The following FGF12 variants were observed in gnomAD, a reference collection of about 807,000 sequenced individuals.
FGF12 encodes the protein fibroblast growth factor 12.
FGF12 carries 14 observed loss-of-function variants against 23.6 expected under a neutral mutation model. The observed-to-expected ratio is 0.59, with a 90% CI of 0.39 to 0.93. The LOEUF is 0.93. Among genes scored for constraint, FGF12 ranks in the 40% least tolerant of loss-of-function variants. The probability of loss-of-function intolerance (pLI) is 0.00; values close to 1 mark genes in which losing one functional copy is unlikely to be tolerated. For missense variants in FGF12, 175 were observed against 217.8 expected (o/e 0.80, Z 1.24); for synonymous variants, 62 against 77.3 (o/e 0.80, Z 1.04).
chr3:192,677,756 G>C (rs1250755472), intron 2 of FGF12, among the ~76,000 whole-genome samples: 4 of 152,224 alleles, frequency 2.6e-5, no homozygotes, highest in Middle Eastern at 6.8e-3. Context: ...ACAGATCCTG[G>C]CCTGTCTTCC....
At chr3:192,432,639 A>AAAAAAAAAAAAAG (rs1553812376) in intron 2 of FGF12, among the ~76,000 whole-genome samples, 7 of 137,090 alleles carry the variant, frequency 5.1e-5, no homozygotes, top group African/African-American at 1.7e-4. Context: ...AAAAAAAAAA[A>AAAAAAAAAAAAAG]AAAGAAAGAA....
rs1174662392 is a variant in FGF12 at position 192,624,654 on chromosome 3, G to C, written c.13+102527C>G. Among the ~76,000 whole-genome samples the C allele has an allele frequency of 2.0e-5, 3 of 152,102 alleles. No individual in the cohort carries two copies. The East Asian group carries it at 5.8e-4, about 29-fold the overall frequency. ...ATTATATAGCATCTTCCTTGTTAAAGGACTATATTAGGAAAAAATTAGCTT... is the reference window on the plus strand; with the variant it reads ...ATTATATAGCATCTTCCTTGTTAAACGACTATATTAGGAAAAAATTAGCTT... On this transcript the variant is annotated intron_variant, in intron 2 of 5. Coordinates refer to ENST00000445105, the MANE Select transcript of FGF12 (RefSeq NM_004113.6).
intron 2 of FGF12, among the ~76,000 whole-genome samples, chr3:192,606,209 T>C (rs1161058071): frequency 6.6e-6 from 1 of 152,172 alleles, no homozygotes; most frequent in African/African-American, 2.4e-5. Flanking sequence ...AACAAAATCA[T>C]GTCCTTTGCA....
chr3:192,558,337 T>C (rs1019625227), intron 2 of FGF12, among the ~76,000 whole-genome samples: 1 of 151,670 alleles, frequency 6.6e-6, no homozygotes, highest in Admixed American at 6.6e-5. Context: ...TACAATAGCA[T>C]CAAAAATAAT....
At chr3:192,495,535 T>G (rs1183625004) in intron 2 of FGF12, among the ~76,000 whole-genome samples, 2 of 152,202 alleles carry the variant, frequency 1.3e-5, no homozygotes, top group Non-Finnish European at 2.9e-5. Flanking sequence ...TTTACAGAAC[T>G]CCAGGATGCT....
chr3:192,305,861 T>G (rs901864536), intron 4 of FGF12, among the ~76,000 whole-genome samples: 2 of 128,568 alleles, frequency 1.6e-5, no homozygotes, highest in Admixed American at 7.6e-5. Flanking sequence ...CTGGTTTTTT[T>G]TTTTTTTTTT....
intron 2 of FGF12, among the ~76,000 whole-genome samples, chr3:192,482,063 T>C (rs1723495552): frequency 6.6e-6 from 1 of 152,182 alleles, no homozygotes; most frequent in Non-Finnish European, 1.5e-5. Flanking sequence ...ACTATGTCAT[T>C]ATCACAAGCC....
At chr3:192,518,254 C>G (rs1246159226) in intron 2 of FGF12, among the ~76,000 whole-genome samples, 2 of 152,070 alleles carry the variant, frequency 1.3e-5, no homozygotes, top group African/African-American at 4.8e-5. Context: ...AAGTGACTCA[C>G]CAGTGTGGCT....
In FGF12 at chr3:192,274,593, A is replaced by AAGAG. The variant is rs137930372; in HGVS notation, c.228+60764_228+60767dup. Among the ~76,000 whole-genome samples the AAGAG allele has an allele frequency of 9.9e-5, 15 of 151,402 alleles. No individual in the cohort carries two copies. In the East Asian group the frequency reaches 2.2e-3, roughly 22 times the overall value. ...AAGAGAGAGGAGAGAGAAGAGGGGA[A>AAGAG]AGAGAGAGAGATAGAATATAGAAGA... is the stretch of plus-strand genomic sequence containing the variant. On this transcript the variant is annotated intron_variant, in intron 4 of 5. Coordinates refer to ENST00000445105, the MANE Select transcript of FGF12 (RefSeq NM_004113.6).
chr3:192,664,606 A>C lies in FGF12; in HGVS notation c.13+62575T>G, dbSNP rs1338679331. ...TCTACTAAAAATACAAAAAAAATAC[A>C]AAAAAAAAAAAAAGCTGGGCATGGT... On this transcript the variant is annotated intron_variant, in intron 2 of 5. Transcript: ENST00000445105. 1.9e-4 allele frequency among the ~76,000 whole-genome samples: 15 copies of C among 80,806 alleles called. 1 individual carries two copies. The highest frequency in any genetic ancestry group is 7.2e-4 in the African/African-American group (15 of 20,816). The allele number at this position is 80,806 out of a possible 152,430, so 53.0% of individuals were successfully genotyped here.
chr3:192,348,619 G>A (rs1199360054), intron 3 of FGF12, among the ~76,000 whole-genome samples: 1 of 152,084 alleles, frequency 6.6e-6, no homozygotes, highest in Non-Finnish European at 1.5e-5. Flanking sequence ...AGTGTTGTCA[G>A]AAGAATGCAG....
At chr3:192,575,513 G>A (rs989001372) in intron 2 of FGF12, among the ~76,000 whole-genome samples, 1 of 152,118 alleles carries the variant, frequency 6.6e-6, no homozygotes, top group Admixed American at 6.5e-5. Context: ...GGAGGAGGAG[G>A]AGAAGAAAGA....
intron 2 of FGF12, among the ~76,000 whole-genome samples, chr3:192,527,125 C>T (rs1724963437): frequency 6.6e-6 from 1 of 152,070 alleles, no homozygotes; most frequent in Non-Finnish European, 1.5e-5. Context: ...AGAGTGGGGC[C>T]CTCACAATGG....
intron 2 of FGF12, among the ~76,000 whole-genome samples, chr3:192,519,379 T>G (rs1560137519): frequency 6.6e-6 from 1 of 152,246 alleles, no homozygotes; most frequent in Non-Finnish European, 1.5e-5. Flanking sequence ...TAATGATTAG[T>G]CTAAGGTTAT....
intron 2 of FGF12, among the ~76,000 whole-genome samples, chr3:192,432,137 A>G (rs566411906): frequency 6.6e-6 from 1 of 152,264 alleles, no homozygotes; most frequent in East Asian, 1.9e-4. Context: ...GTTTACTGAC[A>G]CCAGTTATGT....
rs1352933792 is a variant in FGF12 at position 192,141,026 on chromosome 3, T to G, written c.*2983A>C. On this transcript the variant is annotated 3_prime_UTR_variant, in exon 6 of 6. Transcript: ENST00000445105. ...TCGTTGATTTTGAAACTTATTCCAA[T>G]AAGAACTCAGAATAAACATATCTTA... 1 of 137,016 alleles carries G rather than the reference T, an allele frequency of 7.3e-6. No individual in the cohort carries two copies. The highest frequency in any genetic ancestry group is 2.7e-5 in the African/African-American group (1 of 36,470). 8.5% of individuals were successfully genotyped at this position (137,016 alleles called of 1,614,324 possible).
chr3:192,727,485 T>A lies in FGF12; in HGVS notation c.-132A>T. On this transcript the variant is annotated splice_region_variant and 5_prime_UTR_variant, in exon 1 of 6. Coordinates refer to ENST00000445105, the MANE Select transcript of FGF12 (RefSeq NM_004113.6). ...AGATTTTTTTTTTTTTTTTTTTACC[T>A]GGGTCTGGAAGCTGCAGGCAGGAGC... The A allele has an allele frequency of 1.6e-6, 1 of 642,428 alleles. No individual in the cohort carries two copies. Among genetic ancestry groups the A allele is most frequent in the Non-Finnish European group, 2.5e-6 (1 of 403,166 alleles). 39.8% of individuals were successfully genotyped at this position (642,428 alleles called of 1,614,324 possible). A position where few individuals can be genotyped will look rare whatever the true frequency, so the allele number is the denominator to read the frequency against.
At chr3:192,532,081 G>C (rs1453289493) in intron 2 of FGF12, among the ~76,000 whole-genome samples, 1 of 152,026 alleles carries the variant, frequency 6.6e-6, no homozygotes, top group East Asian at 1.9e-4. Context: ...TTATTTCTGG[G>C]TTTTCTATTC....
chr3:192,549,894 T>C (rs533734961), intron 2 of FGF12, among the ~76,000 whole-genome samples: 1 of 152,164 alleles, frequency 6.6e-6, no homozygotes, highest in Non-Finnish European at 1.5e-5. Flanking sequence ...GCCTTCAGAC[T>C]TGGACAGAAG....
Sources: allele counts gnomAD v4.1 joint callset (sites outside exome capture counted in the v4.1 genomes callset), GRCh38; gene constraint gnomAD v4.1.1; transcripts MANE v1.5; gene names NCBI Gene and HGNC (gene_info 2026-07-23, HGNC 2026-07-21).